The following MINPP1 variants were observed in gnomAD, a reference collection of about 807,000 sequenced individuals.
The protein encoded by MINPP1 is multiple inositol-polyphosphate phosphatase 1, also known as multiple inositol polyphosphate phosphatase 1.
Under a neutral mutation model 46.1 loss-of-function variants are expected in MINPP1, and 28 were observed. That is an observed-to-expected ratio of 0.61 (90% CI 0.45 to 0.83). The LOEUF (loss-of-function observed/expected upper bound fraction) is 0.83, where lower values mean the gene tolerates loss of function less well. Among genes scored for constraint, MINPP1 ranks in the 40% least tolerant of loss-of-function variants. The pLI is 0.00. For missense variants in MINPP1, 603 were observed against 610.0 expected, an observed-to-expected ratio of 0.99 and a Z score of 0.12; for synonymous variants, 268 against 249.1, an observed-to-expected ratio of 1.08 and a Z score of -0.72.
intron 3 of MINPP1, among the ~76,000 whole-genome samples, chr10:87,517,573 T>C (rs958706300): frequency 6.6e-6 from 1 of 152,254 alleles, no homozygotes; most frequent in African/African-American, 2.4e-5. Flanking sequence ...TGCATATAGC[T>C]ACAATTTTTA....
At chr10:87,533,629 G>A (rs1255070057) in intron 4 of MINPP1, among the ~76,000 whole-genome samples, 1 of 151,956 alleles carries the variant, frequency 6.6e-6, no homozygotes, top group Non-Finnish European at 1.5e-5. Context: ...TACTTGCCTC[G>A]AGATCTTCCA....
chr10:87,520,057 A>AGTGTGTGTGTTTGTGTGTGTGT (rs1554852421), intron 3 of MINPP1, among the ~76,000 whole-genome samples: 2 of 147,364 alleles, frequency 1.4e-5, no homozygotes, highest in Non-Finnish European at 3.0e-5. Flanking sequence ...TAAAAGGTAT[A>AGTGTGTGTGTTTGTGTGTGTGT]GTGTGTGTGT....
intron 4 of MINPP1, among the ~76,000 whole-genome samples, chr10:87,534,042 ATTTTTTTTTT>A (rs58579107): frequency 1.8e-4 from 10 of 55,414 alleles, no homozygotes; most frequent in Non-Finnish European, 3.2e-4. Context: ...CTGGCTAAAT[ATTTTTTTTTT>A]TTTTTTTTTT....
intron 4 of MINPP1, among the ~76,000 whole-genome samples, chr10:87,546,988 G>C (rs995174803): frequency 1.3e-5 from 2 of 152,128 alleles, no homozygotes; most frequent in Admixed American, 1.3e-4. Context: ...GATTTTACAT[G>C]TGCTTTTGCC....
chr10:87,526,760 A>G (rs1198568001), intron 4 of MINPP1, among the ~76,000 whole-genome samples: 4 of 152,230 alleles, frequency 2.6e-5, no homozygotes, highest in African/African-American at 7.2e-5. Flanking sequence ...AGCTTTCTAC[A>G]TATGGCTAGC....
At chr10:87,516,918 T>A (rs1020033510) in intron 3 of MINPP1, among the ~76,000 whole-genome samples, 1 of 152,212 alleles carries the variant, frequency 6.6e-6, no homozygotes, top group Non-Finnish European at 1.5e-5. Context: ...TTGAACTTTA[T>A]AATGATGGAA....
At chr10:87,551,619 T>C (rs183781888) in intron 4 of MINPP1, among the ~76,000 whole-genome samples, 55 of 152,198 alleles carry the variant, frequency 3.6e-4, no homozygotes, top group African/African-American at 1.2e-3. Context: ...TCAGACTTGG[T>C]AAGACATTTA....
rs772730624 is a variant in MINPP1 at position 87,505,134 on chromosome 10, G to A, written c.219G>A (p.Leu73=). ...GPEAPWRDPE[L]LEGTCTPVQL... The stretch of plus-strand genomic sequence containing the variant: ...AGGCTCCGTGGCGGGACCCTGAGCT[G>A]CTGGAGGGGACCTGCACCCCGGTGC... Residue 73 remains leucine (L), a synonymous_variant, in exon 1 of 5, where the codon CTG becomes CTA. Transcript: ENST00000371996. The surrounding 1 kb of genome is among the most constrained non-coding windows in gnomAD (Gnocchi z 4.4). 14 of 1,611,998 alleles carry A rather than the reference G, an allele frequency of 8.7e-6. No homozygotes were observed. Among genetic ancestry groups the A allele is most frequent in the Middle Eastern group, 1.6e-4 (1 of 6,082 alleles).
chr10:87,548,867 T>C (rs902328369), intron 4 of MINPP1, among the ~76,000 whole-genome samples: 1 of 152,168 alleles, frequency 6.6e-6, no homozygotes, highest in African/African-American at 2.4e-5. Flanking sequence ...CATTGCTCTA[T>C]GTAAGAAGAT....
chr10:87,547,976 G>T (rs551471397), intron 4 of MINPP1, among the ~76,000 whole-genome samples: 2 of 152,178 alleles, frequency 1.3e-5, no homozygotes, highest in Non-Finnish European at 2.9e-5. Flanking sequence ...CAGGAATGAA[G>T]CCTGAGAGAG....
At chr10:87,538,677 A>G (rs1851772213) in intron 4 of MINPP1, among the ~76,000 whole-genome samples, 1 of 152,074 alleles carries the variant, frequency 6.6e-6, no homozygotes. Context: ...TTAACAACAA[A>G]TTTTTTTCTG....
At chr10:87,547,380 G>A (rs1244248430) in intron 4 of MINPP1, among the ~76,000 whole-genome samples, 1 of 152,116 alleles carries the variant, frequency 6.6e-6, no homozygotes, top group African/African-American at 2.4e-5. Flanking sequence ...TAAGTGCTGG[G>A]ATTACTTGAT....
chr10:87,511,140 G>A (rs1007226276), intron 2 of MINPP1, among the ~76,000 whole-genome samples: 16 of 152,014 alleles, frequency 1.1e-4, no homozygotes, highest in African/African-American at 3.9e-4. Context: ...GTTTTCTTAT[G>A]AATCACAAAT....
At chr10:87,537,963 A>G (rs1851761554) in intron 4 of MINPP1, among the ~76,000 whole-genome samples, 1 of 151,356 alleles carries the variant, frequency 6.6e-6, no homozygotes, top group African/African-American at 2.4e-5. Context: ...AATACATGGA[A>G]CTTATTTTTA....
At position 87,553,178 on chromosome 10, in the gene MINPP1, A is replaced by T. The variant is rs1321794175; in HGVS notation, c.*700A>T. On this transcript the variant is annotated 3_prime_UTR_variant, in exon 5 of 5. Transcript: ENST00000371996. ...TTATTATATGTTTGGACAATTAGCA[A>T]CAAGTCAGATAGTTAGAATCGAAGT... is the stretch of plus-strand genomic sequence containing the variant. 1 of 152,160 alleles carries T rather than the reference A, an allele frequency of 6.6e-6. No homozygotes were observed. The highest frequency in any genetic ancestry group is 1.5e-5 in the Non-Finnish European group (1 of 68,018). The allele number at this position is 152,160 out of a possible 1,614,324, so 9.4% of individuals were successfully genotyped here. A position where few individuals can be genotyped will look rare whatever the true frequency, so the allele number is the denominator to read the frequency against.
intron 4 of MINPP1, among the ~76,000 whole-genome samples, chr10:87,531,079 T>C (rs1290470319): frequency 6.6e-6 from 1 of 152,188 alleles, no homozygotes; most frequent in Non-Finnish European, 1.5e-5. Context: ...GGGAGTGTCC[T>C]GATTTTCCAG....
chr10:87,528,007 A>G (rs1345408441), intron 4 of MINPP1, among the ~76,000 whole-genome samples: 1 of 152,158 alleles, frequency 6.6e-6, no homozygotes, highest in East Asian at 1.9e-4. Flanking sequence ...AGATGTTTAT[A>G]CTATTCTCTG....
intron 1 of MINPP1, among the ~76,000 whole-genome samples, chr10:87,507,015 A>G (rs895531303): frequency 1.3e-5 from 2 of 152,232 alleles, no homozygotes; most frequent in African/African-American, 4.8e-5. Context: ...TTAATATAAC[A>G]CAATATCTAT....
intron 4 of MINPP1, among the ~76,000 whole-genome samples, chr10:87,548,260 C>G (rs961679416): frequency 6.6e-6 from 1 of 152,118 alleles, no homozygotes; most frequent in Non-Finnish European, 1.5e-5. Flanking sequence ...CAGACACATG[C>G]GAATCTGAAA....
Sources: gnomAD v4.1 joint callset for allele counts (sites outside exome capture counted in the v4.1 genomes callset) on GRCh38, gnomAD v4.1.1 for gene constraint, Gnocchi (gnomAD v3.1) non-coding constraint, MANE v1.5 for transcripts, NCBI Gene and HGNC (gene_info 2026-07-23, HGNC 2026-07-21) for gene names.